PKHD1: variants seen among roughly 807,000 people sequenced by gnomAD.
PKHD1 encodes the protein fibrocystin.
Under a neutral mutation model 412.0 loss-of-function variants are expected in PKHD1, and 291 were observed. The ratio of observed to expected loss-of-function variants is 0.71; its 90% CI spans 0.64 to 0.78. The LOEUF is 0.78. Ranked by LOEUF, PKHD1 falls within the 30% of genes least tolerant of loss-of-function variation. PKHD1 has a pLI of 0.00. For missense variants in PKHD1, 4,825 were observed against 4,950.7 expected, an observed-to-expected ratio of 0.97 and a Z score of 0.76; for synonymous variants, 1,777 against 1,821.5, an observed-to-expected ratio of 0.98 and a Z score of 0.62.
intron 27 of PKHD1, among the ~76,000 whole-genome samples, chr6:52,042,369 A>G (rs1434083793): frequency 1.3e-5 from 2 of 152,244 alleles, no homozygotes; most frequent in African/African-American, 4.8e-5. Context: ...GTTAACAAAC[A>G]TAAGCATCAG....
chr6:51,632,802 C>T lies in PKHD1; in HGVS notation c.11507-79G>A, dbSNP rs1404706518. On this transcript the variant is annotated intron_variant, in intron 64 of 66. Coordinates refer to ENST00000371117, the MANE Select transcript of PKHD1 (RefSeq NM_138694.4). Reference sequence around the variant, plus strand: ...AATTAAAATATGGTAAAAATAAATACATTCATAATAGTATCTGGGATATAG... The same window carrying T: ...AATTAAAATATGGTAAAAATAAATATATTCATAATAGTATCTGGGATATAG... 3.6e-6 allele frequency: 4 copies of T among 1,111,878 alleles called. No homozygotes were observed. In the African/African-American group the frequency reaches 4.7e-5, roughly 13 times the overall value. 68.9% of individuals were successfully genotyped at this position (1,111,878 alleles called of 1,614,324 possible). A position where few individuals can be genotyped will look rare whatever the true frequency, so the allele number is the denominator to read the frequency against.
rs948536048 is a variant in PKHD1 at position 51,891,710 on chromosome 6, G to A, written c.6997-4465C>T. Among the ~76,000 whole-genome samples the A allele has an allele frequency of 1.2e-4, 15 of 130,420 alleles. No individual in the cohort carries two copies. In the South Asian group the frequency reaches 3.2e-3, roughly 28 times the overall value. The allele number at this position is 130,420 out of a possible 152,430, so 85.6% of individuals were successfully genotyped here. A position where few individuals can be genotyped will look rare whatever the true frequency, so the allele number is the denominator to read the frequency against. On this transcript the variant is annotated intron_variant, in intron 43 of 66. Transcript: ENST00000371117. ...CCTGAATGTACCACATGTTCCACAA[G>A]GAACACACACACACACACACACACA...
chr6:51,654,565 G>A (rs530531889), intron 61 of PKHD1, among the ~76,000 whole-genome samples: 1 of 151,696 alleles, frequency 6.6e-6, no homozygotes, highest in East Asian at 1.9e-4. Flanking sequence ...TCTGATTTTG[G>A]ACTTAGAACT....
chr6:51,813,218 T>C (rs2151408733), intron 52 of PKHD1, among the ~76,000 whole-genome samples: 1 of 152,312 alleles, frequency 6.6e-6, no homozygotes, highest in East Asian at 1.9e-4. Context: ...GACCTTTTTA[T>C]TAACAGAACT....
intron 43 of PKHD1, among the ~76,000 whole-genome samples, chr6:51,901,221 G>A (rs531995304): frequency 2.6e-4 from 39 of 152,206 alleles, no homozygotes; most frequent in African/African-American, 8.7e-4. Context: ...ACATGCACAC[G>A]TATGTTTATT....
chr6:51,874,281 AT>A (rs33935435), intron 46 of PKHD1, among the ~76,000 whole-genome samples: 61,740 of 151,904 alleles, frequency 0.41, 13,751 homozygotes, highest in East Asian at 0.85. Flanking sequence ...AAAATTAGAC[AT>A]TTTTTTTAGT....
At chr6:52,019,879 T>A (rs746383327) in intron 33 of PKHD1, among the ~76,000 whole-genome samples, 1 of 152,228 alleles carries the variant, frequency 6.6e-6, no homozygotes, top group African/African-American at 2.4e-5. Context: ...TTTGTGGGGA[T>A]GGTAAAAATG....
intron 61 of PKHD1, among the ~76,000 whole-genome samples, chr6:51,650,393 C>A (rs193228317): frequency 1.3e-3 from 192 of 152,240 alleles, no homozygotes; most frequent in African/African-American, 3.7e-3. Flanking sequence ...TGACATAGAG[C>A]AACCCTTGGT....
At chr6:51,807,807 C>A (rs1452292891) in intron 52 of PKHD1, among the ~76,000 whole-genome samples, 1 of 151,974 alleles carries the variant, frequency 6.6e-6, no homozygotes, top group African/African-American at 2.4e-5. Context: ...TTGAGAACAT[C>A]ATGCAGGGTG....
At chr6:51,859,419 G>A (rs971989662) in intron 48 of PKHD1, among the ~76,000 whole-genome samples, 21 of 151,484 alleles carry the variant, frequency 1.4e-4, no homozygotes, top group Admixed American at 9.9e-4. Context: ...CCAGCTACTC[G>A]GGAGGCTGAG....
intron 12 of PKHD1, 47 bp from the exon 13 acceptor site, chr6:52,065,097 A>G: frequency 1.4e-6 from 1 of 737,962 alleles, no homozygotes; most frequent in South Asian, 1.4e-5. Context: ...GTGTAGGTAT[A>G]CATATATATG....
chr6:51,767,779 G>A (rs1258210480), intron 55 of PKHD1, among the ~76,000 whole-genome samples: 3 of 152,148 alleles, frequency 2.0e-5, no homozygotes, highest in Non-Finnish European at 4.4e-5. Context: ...ATTAACATAT[G>A]TGTGCATGTG....
At chr6:51,966,047 T>C (rs1317819101) in intron 35 of PKHD1, among the ~76,000 whole-genome samples, 2 of 152,212 alleles carry the variant, frequency 1.3e-5, no homozygotes, top group African/African-American at 4.8e-5. Flanking sequence ...CACAATGCTA[T>C]ACATTTTACT....
intron 19 of PKHD1, among the ~76,000 whole-genome samples, chr6:52,054,374 T>C (rs1463139020): frequency 6.6e-6 from 1 of 152,004 alleles, no homozygotes; most frequent in East Asian, 1.9e-4. Context: ...TAAGGAAAAA[T>C]ACAATAAATA....
At chr6:51,864,702 A>C (rs1286654168) in intron 48 of PKHD1, among the ~76,000 whole-genome samples, 2 of 152,198 alleles carry the variant, frequency 1.3e-5, no homozygotes, top group Non-Finnish European at 2.9e-5. Context: ...AACAAGTTAA[A>C]TTAATTTTAG....
At chr6:51,992,857 G>A (rs1365860137) in intron 35 of PKHD1, among the ~76,000 whole-genome samples, 1 of 152,200 alleles carries the variant, frequency 6.6e-6, no homozygotes, top group Non-Finnish European at 1.5e-5. Flanking sequence ...TTCCAGCTCT[G>A]GGTTAAGAAG....
At chr6:51,915,559 C>T (rs1193670448) in intron 37 of PKHD1, among the ~76,000 whole-genome samples, 2 of 152,078 alleles carry the variant, frequency 1.3e-5, no homozygotes, top group Middle Eastern at 3.4e-3. Context: ...AAACAAGCAC[C>T]CCAATGTCTT....
At chr6:51,849,376 G>T (rs191533475) in intron 49 of PKHD1, among the ~76,000 whole-genome samples, 233 of 152,252 alleles carry the variant, frequency 1.5e-3, no homozygotes, top group African/African-American at 5.5e-3. Flanking sequence ...TGTCTTTACA[G>T]TAGAATAATT....
In PKHD1 at chr6:51,870,418, G is replaced by A. The variant is rs1479271387; in HGVS notation, c.7486+86C>T. ...CAATCTTATAACTGAAAGAGATAAT[G>A]ATTCACAAAGTATTTGCCACTATTT... On this transcript the variant is annotated intron_variant, in intron 47 of 66. Transcript: ENST00000371117. The A allele has an allele frequency of 8.2e-6, 9 of 1,103,688 alleles. No individual in the cohort carries two copies. The East Asian group carries it at 1.9e-4, about 24-fold the overall frequency. The allele number at this position is 1,103,688 out of a possible 1,614,324, so 68.4% of individuals were successfully genotyped here. A position where few individuals can be genotyped will look rare whatever the true frequency, so the allele number is the denominator to read the frequency against.
Sources: gnomAD v4.1 joint callset for allele counts (sites outside exome capture counted in the v4.1 genomes callset) on GRCh38, gnomAD v4.1.1 for gene constraint, MANE v1.5 for transcripts, NCBI Gene and HGNC (gene_info 2026-07-23, HGNC 2026-07-21) for gene names.